MAGI2: variants seen among roughly 807,000 people sequenced by gnomAD.
MAGI2 encodes membrane-associated guanylate kinase, WW and PDZ domain-containing protein 2.
Under a neutral mutation model 133.3 loss-of-function variants are expected in MAGI2, and 35 were observed. That is an observed-to-expected ratio of 0.26 (90% CI 0.20 to 0.35). The LOEUF is 0.35. MAGI2 is among the 10% of genes least tolerant of loss of function. The probability of loss-of-function intolerance (pLI) is 1.00; values close to 1 mark genes in which losing one functional copy is unlikely to be tolerated. For synonymous variants in MAGI2, 729 were observed against 710.6 expected (o/e 1.03, Z -0.41); for missense variants, 1,636 against 1,863.4 (o/e 0.88, Z 2.25).
chr7:78,610,247 C>G (rs1370040084), intron 3 of MAGI2, among the ~76,000 whole-genome samples: 4 of 152,176 alleles, frequency 2.6e-5, no homozygotes, highest in Admixed American at 1.3e-4. Context: ...TTCTACTGTT[C>G]TATCAATCCA....
At chr7:78,790,150 T>G (rs182701154) in intron 2 of MAGI2, among the ~76,000 whole-genome samples, 1 of 152,096 alleles carries the variant, frequency 6.6e-6, no homozygotes, top group Non-Finnish European at 1.5e-5. Flanking sequence ...ATTATCACTT[T>G]AGGAAATTAG....
At chr7:78,978,505 C>T (rs1804491213) in intron 2 of MAGI2, among the ~76,000 whole-genome samples, 1 of 151,692 alleles carries the variant, frequency 6.6e-6, no homozygotes, top group South Asian at 2.1e-4. Context: ...GGGAAATGAT[C>T]AAATAGGTGA....
intron 20 of MAGI2, among the ~76,000 whole-genome samples, chr7:78,085,594 A>G (rs1186703819): frequency 6.6e-6 from 1 of 150,440 alleles, no homozygotes; most frequent in Non-Finnish European, 1.5e-5. Flanking sequence ...ACAAAACAAA[A>G]TCAAACCCAA....
At chr7:78,428,953 T>A (rs903416494) in intron 6 of MAGI2, among the ~76,000 whole-genome samples, 2 of 152,194 alleles carry the variant, frequency 1.3e-5, no homozygotes, top group African/African-American at 4.8e-5. Context: ...ATTTACCATA[T>A]AGCGTAATGG....
intron 3 of MAGI2, among the ~76,000 whole-genome samples, chr7:78,600,502 T>C (rs1396480773): frequency 6.6e-6 from 1 of 152,170 alleles, no homozygotes; most frequent in Non-Finnish European, 1.5e-5. Flanking sequence ...AATTATCCTA[T>C]GTGTTTGTGT....
At chr7:78,074,219 A>AC (rs1421013785) in intron 21 of MAGI2, among the ~76,000 whole-genome samples, 2 of 151,486 alleles carry the variant, frequency 1.3e-5, no homozygotes, top group Middle Eastern at 3.2e-3. Context: ...CGGCATGTTT[A>AC]CTCCTTCCCC....
intron 1 of MAGI2, among the ~76,000 whole-genome samples, chr7:79,049,361 G>A (rs1207053862): frequency 1.3e-5 from 2 of 152,134 alleles, no homozygotes; most frequent in Non-Finnish European, 2.9e-5. Context: ...TGTGACAAAT[G>A]TGATAATATA....
intron 20 of MAGI2, among the ~76,000 whole-genome samples, chr7:78,096,370 G>C (rs1377444173): frequency 6.6e-6 from 1 of 152,176 alleles, no homozygotes; most frequent in Non-Finnish European, 1.5e-5. Context: ...CATCTCATAA[G>C]GTTGTTGAGA....
rs1795918606 is a variant in MAGI2 at position 78,882,115 on chromosome 7, A to AAAAAAAAAAAAG, written c.418+124974_418+124975insCTTTTTTTTTTT. Among the ~76,000 whole-genome samples the AAAAAAAAAAAAG allele has an allele frequency of 1.8e-4, 17 of 93,732 alleles. 1 individual carries two copies. The highest frequency in any genetic ancestry group is 2.8e-4 in the Admixed American group (2 of 7,158). 61.5% of individuals were successfully genotyped at this position (93,732 alleles called of 152,430 possible). A position where few individuals can be genotyped will look rare whatever the true frequency, so the allele number is the denominator to read the frequency against. ...AAAAAAAAAAAAAAAAAAAGAAAAGAAAAACAAAAAAAAAAGAGAGAGAGA... is the reference window on the plus strand; with the variant it reads ...AAAAAAAAAAAAAAAAAAAGAAAAGAAAAAAAAAAAAGAAAACAAAAAAAAAAGAGAGAGAGA... On this transcript the variant is annotated intron_variant, in intron 2 of 21. Coordinates refer to ENST00000354212, the MANE Select transcript of MAGI2 (RefSeq NM_012301.4).
intron 1 of MAGI2, among the ~76,000 whole-genome samples, chr7:79,150,712 C>T (rs1484831214): frequency 1.3e-5 from 2 of 151,678 alleles, no homozygotes; most frequent in Non-Finnish European, 2.9e-5. Flanking sequence ...TTCAATTTTT[C>T]CTTCTTTTTC....
At chr7:78,131,301 C>A (rs551455742) in intron 18 of MAGI2, among the ~76,000 whole-genome samples, 1 of 152,170 alleles carries the variant, frequency 6.6e-6, no homozygotes, top group African/African-American at 2.4e-5. Context: ...CTCTTCCTTG[C>A]GTATATTTAA....
intron 2 of MAGI2, among the ~76,000 whole-genome samples, chr7:78,824,475 A>T (rs1390945087): frequency 1.3e-5 from 2 of 152,170 alleles, no homozygotes; most frequent in East Asian, 1.9e-4. Flanking sequence ...CATTCTGACT[A>T]GCATGAGATG....
At chr7:79,019,201 A>T (rs1195688016) in intron 1 of MAGI2, among the ~76,000 whole-genome samples, 2 of 152,200 alleles carry the variant, frequency 1.3e-5, no homozygotes, top group Non-Finnish European at 2.9e-5. Flanking sequence ...ATTTTGGACC[A>T]TTATATGATT....
intron 9 of MAGI2, among the ~76,000 whole-genome samples, chr7:78,261,236 G>A (rs1793488982): frequency 6.6e-6 from 1 of 152,004 alleles, no homozygotes; most frequent in African/African-American, 2.4e-5. Context: ...AGTTATTATT[G>A]TGAAGCTGGT....
At chr7:78,728,322 T>G (rs1464858154) in intron 2 of MAGI2, among the ~76,000 whole-genome samples, 1 of 152,160 alleles carries the variant, frequency 6.6e-6, no homozygotes, top group Non-Finnish European at 1.5e-5. Flanking sequence ...GTATTCACCC[T>G]TTCATTAAAA....
intron 2 of MAGI2, among the ~76,000 whole-genome samples, chr7:78,628,768 C>T (rs568830291): frequency 1.1e-4 from 17 of 148,046 alleles, no homozygotes; most frequent in African/African-American, 3.5e-4. Context: ...AAACCACCTA[C>T]ATCTAGTATG....
At chr7:78,090,964 A>T (rs1185939937) in intron 20 of MAGI2, among the ~76,000 whole-genome samples, 3 of 152,182 alleles carry the variant, frequency 2.0e-5, no homozygotes, top group Non-Finnish European at 4.4e-5. Context: ...CTCCCAGTAT[A>T]CAGCTTGAGA....
At chr7:78,890,762 A>C (rs888379178) in intron 2 of MAGI2, among the ~76,000 whole-genome samples, 14 of 152,236 alleles carry the variant, frequency 9.2e-5, no homozygotes, top group Non-Finnish European at 1.5e-5. Flanking sequence ...CTAAATTCCC[A>C]TAAGAGAAAG....
At chr7:78,803,867 A>T (rs1788293647) in intron 2 of MAGI2, among the ~76,000 whole-genome samples, 1 of 152,190 alleles carries the variant, frequency 6.6e-6, no homozygotes, top group Non-Finnish European at 1.5e-5. Context: ...CTTAATACAA[A>T]ATGACAAACC....
Sources: gnomAD v4.1 joint callset for allele counts (sites outside exome capture counted in the v4.1 genomes callset) on GRCh38, gnomAD v4.1.1 for gene constraint, MANE v1.5 for transcripts, NCBI Gene and HGNC (gene_info 2026-07-23, HGNC 2026-07-21) for gene names.